Variants in GSG1L observed in about 807,000 individuals in gnomAD.
GSG1L encodes germ cell-specific gene 1-like protein.
A neutral mutation model predicts 42.1 loss-of-function variants in GSG1L; 24 were observed. That is an observed-to-expected ratio of 0.57 (90% CI 0.41 to 0.80). The LOEUF (loss-of-function observed/expected upper bound fraction) is 0.80, where lower values mean the gene tolerates loss of function less well. Ranked by LOEUF, GSG1L falls within the 30% of genes least tolerant of loss-of-function variation. The pLI is 0.00. For synonymous variants in GSG1L, 215 were observed against 203.5 expected, an observed-to-expected ratio of 1.06 and a Z score of -0.48; for missense variants, 445 against 472.2, an observed-to-expected ratio of 0.94 and a Z score of 0.53.
At chr16:27,828,596 T>C (rs2140965987) in intron 5 of GSG1L, among the ~76,000 whole-genome samples, 193 bp downstream of exon 5, 1 of 152,342 alleles carries the variant, frequency 6.6e-6, no homozygotes, top group Middle Eastern at 3.4e-3. Context: ...CCTCATGACC[T>C]ATAAAACATT....
At chr16:27,885,103 G>A (rs1479931953) in intron 2 of GSG1L, among the ~76,000 whole-genome samples, 2 of 152,128 alleles carry the variant, frequency 1.3e-5, no homozygotes, top group African/African-American at 4.8e-5. Flanking sequence ...GAGGTTCTGT[G>A]TTACCTCCAA....
At chr16:27,932,112 G>T (rs981383887) in intron 2 of GSG1L, among the ~76,000 whole-genome samples, 1 of 152,144 alleles carries the variant, frequency 6.6e-6, no homozygotes, top group African/African-American at 2.4e-5. Context: ...GAGTGCAGTG[G>T]CATGATCTCG....
intron 1 of GSG1L, among the ~76,000 whole-genome samples, chr16:27,970,674 T>G (rs1442175238): frequency 2.6e-5 from 4 of 151,880 alleles, no homozygotes; most frequent in Non-Finnish European, 5.9e-5. Context: ...AGTGCTGGGA[T>G]TACAGGCATA....
intron 3 of GSG1L, among the ~76,000 whole-genome samples, chr16:27,846,990 A>G (rs1169735850): frequency 6.6e-6 from 1 of 151,104 alleles, no homozygotes; most frequent in East Asian, 1.9e-4. Flanking sequence ...AACCTTGCCT[A>G]TGTTTTCAAA....
intron 1 of GSG1L, among the ~76,000 whole-genome samples, chr16:28,005,971 A>G (rs1419256834): frequency 1.3e-5 from 2 of 152,210 alleles, no homozygotes; most frequent in African/African-American, 4.8e-5. Flanking sequence ...CCGTTATCCA[A>G]GTTGACCCAA....
intron 2 of GSG1L, among the ~76,000 whole-genome samples, chr16:27,929,473 C>G (rs2084632531): frequency 6.6e-6 from 1 of 152,206 alleles, no homozygotes; most frequent in African/African-American, 2.4e-5. Flanking sequence ...AAGAAAAGCT[C>G]TCTTCCCTCT....
In GSG1L at chr16:27,803,782, TATATATATATATAG is replaced by T. The variant is rs1165383083; in HGVS notation, c.898+3691_898+3704del. Among the ~76,000 whole-genome samples the T allele has an allele frequency of 2.8e-4, 20 of 71,266 alleles. 1 individual carries two copies. Among genetic ancestry groups the T allele is most frequent in the African/African-American group, 1.1e-3 (18 of 16,568 alleles). The allele number at this position is 71,266 out of a possible 152,430, so 46.8% of individuals were successfully genotyped here. The stretch of plus-strand genomic sequence containing the variant: ...CAGTGCAGACATATATATATATATA[TATATATATATATAG>T]ATAGATAGATATAGATATAGATATA... On this transcript the variant is annotated intron_variant, in intron 6 of 6. Coordinates refer to ENST00000447459, the MANE Select transcript of GSG1L (RefSeq NM_001109763.2).
chr16:27,979,386 T>C (rs567995375), intron 1 of GSG1L, among the ~76,000 whole-genome samples: 6 of 151,442 alleles, frequency 4.0e-5, no homozygotes, highest in African/African-American at 9.7e-5. Context: ...GCCAACATAA[T>C]GAAACCCCAT....
intron 1 of GSG1L, among the ~76,000 whole-genome samples, chr16:28,053,262 G>C (rs1244398569): frequency 6.6e-6 from 1 of 152,232 alleles, no homozygotes; most frequent in African/African-American, 2.4e-5. Context: ...CGTTTGCTTA[G>C]AGTGTGAATG....
intron 2 of GSG1L, among the ~76,000 whole-genome samples, chr16:27,946,573 GAA>G (rs35669584): frequency 0.05 from 615 of 12,258 alleles, 4 homozygotes; most frequent in African/African-American, 0.055. Flanking sequence ...AAGAAAGAAA[GAA>G]AGAAAGAGAG....
intron 1 of GSG1L, among the ~76,000 whole-genome samples, chr16:27,965,367 T>A (rs2085119698): frequency 6.6e-6 from 1 of 152,168 alleles, no homozygotes; most frequent in Non-Finnish European, 1.5e-5. Flanking sequence ...TAAGTAATTT[T>A]AAAATTATGT....
chr16:27,805,833 C>A (rs1010092134), intron 6 of GSG1L, among the ~76,000 whole-genome samples: 15 of 151,524 alleles, frequency 9.9e-5, no homozygotes, highest in Non-Finnish European at 2.2e-4. Flanking sequence ...TGAGAACTCT[C>A]GTTCTTAATT....
rs1053615647 is a variant in GSG1L at position 28,000,864 on chromosome 16, G to A, written c.350-37661C>T. 4.6e-5 allele frequency among the ~76,000 whole-genome samples: 7 copies of A among 152,008 alleles called. 1 individual carries two copies. The highest frequency in any genetic ancestry group is 1.9e-4 in the East Asian group (1 of 5,192). On this transcript the variant is annotated intron_variant, in intron 1 of 6. Transcript: ENST00000447459. The stretch of plus-strand genomic sequence containing the variant: ...GTAATAAAAAATTTCCCCTTGACCC[G>A]CCATTGCTTTGCCAGGAACCAATCC...
chr16:28,045,769 G>A (rs538973953), intron 1 of GSG1L, among the ~76,000 whole-genome samples: 36 of 152,166 alleles, frequency 2.4e-4, no homozygotes, highest in Non-Finnish European at 4.6e-4. Context: ...GTTGAGGCAG[G>A]TGGATTGCCT....
intron 1 of GSG1L, among the ~76,000 whole-genome samples, chr16:27,987,164 C>T (rs2085394504): frequency 6.6e-6 from 1 of 150,752 alleles, no homozygotes; most frequent in South Asian, 2.1e-4. Flanking sequence ...TTGCAGTGAC[C>T]CAAGATCGCA....
chr16:27,903,549 C>T (rs1340702570), intron 2 of GSG1L, among the ~76,000 whole-genome samples: 1 of 152,194 alleles, frequency 6.6e-6, no homozygotes, highest in African/African-American at 2.4e-5. Context: ...CTGCAGAACG[C>T]CCACCTACCT....
At chr16:27,855,340 T>C (rs967870472) in intron 3 of GSG1L, among the ~76,000 whole-genome samples, 1 of 152,158 alleles carries the variant, frequency 6.6e-6, no homozygotes, top group East Asian at 1.9e-4. Flanking sequence ...AGAGTCCACA[T>C]CTCTTTTTGG....
intron 5 of GSG1L, among the ~76,000 whole-genome samples, chr16:27,811,671 C>T (rs1373255271): frequency 2.0e-5 from 3 of 152,158 alleles, no homozygotes; most frequent in East Asian, 1.9e-4. Context: ...GTTGTTGAGA[C>T]GGAGTCTCGC....
intron 1 of GSG1L, among the ~76,000 whole-genome samples, chr16:28,034,207 C>A (rs1490717245): frequency 2.6e-5 from 2 of 77,338 alleles, no homozygotes; most frequent in African/African-American, 9.5e-5. Flanking sequence ...CTCATCCCAT[C>A]CCAACCCATC....
Sources: allele counts gnomAD v4.1 joint callset (sites outside exome capture counted in the v4.1 genomes callset), GRCh38; gene constraint gnomAD v4.1.1; transcripts MANE v1.5; gene names NCBI Gene and HGNC (gene_info 2026-07-23, HGNC 2026-07-21).